Variants in LTBP4 observed in about 807,000 individuals in gnomAD.
LTBP4 encodes latent-transforming growth factor beta-binding protein 4.
Under a neutral mutation model 180.2 loss-of-function variants are expected in LTBP4, and 93 were observed. That is an observed-to-expected ratio of 0.52 (90% CI 0.44 to 0.61). LTBP4 has a LOEUF of 0.61. Among genes scored for constraint, LTBP4 ranks in the 20% least tolerant of loss-of-function variants. LTBP4 has a pLI of 0.00. For synonymous variants in LTBP4, 947 were observed against 934.5 expected, an observed-to-expected ratio of 1.01 and a Z score of -0.24; for missense variants, 2,116 against 2,256.5, an observed-to-expected ratio of 0.94 and a Z score of 1.26.
At chr19:40,614,854 C>A (rs1372484882) in intron 19 of LTBP4, among the ~76,000 whole-genome samples, 1 of 152,182 alleles carries the variant, frequency 6.6e-6, no homozygotes, top group Non-Finnish European at 1.5e-5. Flanking sequence ...TTCCAGCCTT[C>A]CCTCCAAAGA....
In LTBP4 at chr19:40,608,645, G is replaced by C. The variant is rs767383979; in HGVS notation, c.1426+42G>C. The C allele has an allele frequency of 1.3e-5, 20 of 1,549,442 alleles. No individual in the cohort carries two copies. The Admixed American group carries it at 3.9e-4, about 30-fold the overall frequency. Reference sequence around the variant, plus strand: ...TGAGGGCATTGGGCCTGCAGCAGTGGCTCACGCCTGTAATCCCAGCATTTT... The same window carrying C: ...TGAGGGCATTGGGCCTGCAGCAGTGCCTCACGCCTGTAATCCCAGCATTTT... On this transcript the variant is annotated intron_variant, in intron 9 of 29. Coordinates refer to ENST00000396819, the MANE Select transcript of LTBP4 (RefSeq NM_001042545.2).
Position 40,624,035 on chromosome 19 carries a change from T to C in LTBP4, c.3785T>C (p.Leu1262Pro). Residue 1262 changes from leucine to proline, a missense_variant, in exon 26 of 30, where the codon CTG (leucine) becomes CCG (proline). Physicochemically the swap from Leu to Pro is moderately conservative, Grantham distance 98. Transcript: ENST00000396819. Reference sequence around the variant, plus strand: ...TGTACCTGCGAGCCCCCACTGGTGCTGGATGGCTCGCAGCGCCGCTGCGTC... The same window carrying C: ...TGTACCTGCGAGCCCCCACTGGTGCCGGATGGCTCGCAGCGCCGCTGCGTC... ...YHCTCEPPLV[L>P]DGSQRRCVSN... 6.2e-7 allele frequency: 1 copy of C among 1,601,070 alleles called. No individual in the cohort carries two copies. Among genetic ancestry groups the C allele is most frequent in the Non-Finnish European group, 8.5e-7 (1 of 1,171,400 alleles).
At chr19:40,617,300 T>A (rs2081557424) in intron 21 of LTBP4, 75 bp downstream of exon 21, 3 of 1,515,244 alleles carry the variant, frequency 2.0e-6, no homozygotes, top group Admixed American at 4.3e-5. Flanking sequence ...TCCCCATATA[T>A]CTGAACAAAT....
rs970983655 is a variant in LTBP4, at chr19:40,608,482, A to G, written c.1307-2A>G. On this transcript the variant is annotated splice_acceptor_variant, in intron 8 of 29. Transcript: ENST00000396819. LOFTEE classifies it high-confidence loss of function. ...CACTCGTTGATACCCCTTCTTTATC[A>G]GGCTTTCTGCCCACCCATCGCCTGG... 5 of 1,600,528 alleles carry G rather than the reference A, an allele frequency of 3.1e-6. No homozygotes were observed. The highest frequency in any genetic ancestry group is 1.7e-4 in the Middle Eastern group (1 of 6,052).
chr19:40,613,205 CA>C lies in LTBP4; in HGVS notation c.2431+10del. ...GCCCGGGCCCTGCGCAGGTGAGCAGCATAGGGACCCGCCAGAGAGTCTGGGA... is the reference window on the plus strand; with the variant it reads ...GCCCGGGCCCTGCGCAGGTGAGCAGCTAGGGACCCGCCAGAGAGTCTGGGA... On this transcript the variant is annotated intron_variant, in intron 16 of 29. Coordinates refer to ENST00000396819, the MANE Select transcript of LTBP4 (RefSeq NM_001042545.2). The surrounding 1 kb of genome is among the most constrained non-coding windows in gnomAD (Gnocchi z 5.0). The C allele has an allele frequency of 6.4e-7, 1 of 1,560,696 alleles. No individual in the cohort carries two copies. The highest frequency in any genetic ancestry group is 8.7e-7 in the Non-Finnish European group (1 of 1,152,134).
chr19:40,625,277 TATATATATATATA>T (rs2081619034), intron 26 of LTBP4, among the ~76,000 whole-genome samples: 2 of 7,686 alleles, frequency 2.6e-4, no homozygotes, highest in Non-Finnish European at 5.0e-4. Context: ...TATATATATA[TATATATATATATA>T]TATATATATA....
intron 1 of LTBP4, among the ~76,000 whole-genome samples, chr19:40,596,067 C>A (rs1022320964): frequency 5.3e-5 from 8 of 151,512 alleles, no homozygotes; most frequent in African/African-American, 1.9e-4. Flanking sequence ...ATTACAGGCG[C>A]CCACCACTGC....
intron 19 of LTBP4, 119 bp downstream of exon 19, chr19:40,614,565 T>C (rs879095333): frequency 1.6e-6 from 2 of 1,252,150 alleles, no homozygotes; most frequent in South Asian, 3.0e-5. Context: ...AAGAACACCC[T>C]CTCACCGTAT....
intron 29 of LTBP4, among the ~76,000 whole-genome samples, chr19:40,628,842 TTTC>T (rs1303595636): frequency 2.0e-5 from 3 of 151,652 alleles, no homozygotes; most frequent in East Asian, 1.9e-4. Flanking sequence ...TCAGTATTTT[TTTC>T]TTCTTTTTTT....
At position 40,605,085 on chromosome 19, in the gene LTBP4, C is replaced by G. The variant is rs374648326; in HGVS notation, c.301C>G (p.Arg101Gly). The change falls in exon 2 of 30, where the codon CGC becomes GGC. Residue 101 changes from arginine to glycine, a missense_variant. Transcript: ENST00000396819. This position sits in a 1 kb window ranked among gnomAD's most constrained non-coding sequence, Gnocchi z 5.5. The part of the protein sequence containing the change: ...HNGGVCVKPD[R>G]CLCPPDFAGK... ...TGGCGGTGTGTGCGTGAAGCCTGACCGCTGCCTCTGTCCCCCGGACTTCGC... is the reference window on the plus strand; with the variant it reads ...TGGCGGTGTGTGCGTGAAGCCTGACGGCTGCCTCTGTCCCCCGGACTTCGC... 3.1e-6 allele frequency: 5 copies of G among 1,613,744 alleles called. No homozygotes were observed. Among genetic ancestry groups the G allele is most frequent in the Non-Finnish European group, 4.2e-6 (5 of 1,179,856 alleles).
At chr19:40,594,353 C>T (rs2081380356) in intron 1 of LTBP4, among the ~76,000 whole-genome samples, 2 of 151,842 alleles carry the variant, frequency 1.3e-5, no homozygotes. Context: ...GTGACATAGA[C>T]ACGATCCTGG....
Position 40,605,168 on chromosome 19 carries a change from A to G in LTBP4, c.384A>G (p.Pro128=), listed in dbSNP as rs1345025094. The change falls in exon 2 of 30, where the codon CCA becomes CCG. Residue 128 remains proline, a synonymous_variant. Transcript: ENST00000396819. This position sits in a 1 kb window ranked among gnomAD's most constrained non-coding sequence, Gnocchi z 5.5. ...CCCGGCCCCCGGCCCCGGCTGTACC[A>G]GGCCTCACCCGCTCCGTGTACACTA... The part of the protein sequence containing the change: ...SGARPPAPAV[P]GLTRSVYTMP... 6.2e-7 allele frequency: 1 copy of G among 1,610,180 alleles called. No homozygotes were observed. Among genetic ancestry groups the G allele is most frequent in the Admixed American group, 1.7e-5 (1 of 59,480 alleles).
upstream of LTBP4, chr19:40,599,556 C>G (rs1336481065): frequency 6.2e-7 from 1 of 1,606,818 alleles, no homozygotes; most frequent in Non-Finnish European, 8.5e-7. Context: ...CAGCCACTGA[C>G]GTGAGTGGGC....
chr19:40,619,475 C>G lies in LTBP4; in HGVS notation c.3199C>G (p.Pro1067Ala), dbSNP rs966189097. ...TGACCCCATGACTGGACGCTGTGTT[C>G]CCCCACGAACTTCTGCTGGTGAGAC... ...EFDPMTGRCV[P>A]PRTSAGTFPG... The change falls in exon 22 of 30, where the codon CCC (proline) becomes GCC (alanine). Residue 1067 changes from proline to alanine, a missense_variant. Around this residue, in one of 5 missense-constraint regions of LTBP4, gnomAD observed 278 missense variants for 373.0 expected, o/e 0.75. Transcript: ENST00000396819. 3 of 1,611,020 alleles carry G rather than the reference C, an allele frequency of 1.9e-6. No homozygotes were observed. Among genetic ancestry groups the G allele is most frequent in the Non-Finnish European group, 2.5e-6 (3 of 1,178,196 alleles).
intron 28 of LTBP4, 140 bp from the exon 29 acceptor site, chr19:40,627,565 C>T: frequency 7.8e-7 from 1 of 1,281,006 alleles, no homozygotes; most frequent in Non-Finnish European, 1.1e-6. Flanking sequence ...AGCTTACTGG[C>T]CCCGCAGCAC....
chr19:40,613,940 A>C lies in LTBP4; in HGVS notation c.2582A>C (p.Asp861Ala). The C allele has an allele frequency of 6.2e-7, 1 of 1,612,808 alleles. No individual in the cohort carries two copies. Among genetic ancestry groups the C allele is most frequent in the Non-Finnish European group, 8.5e-7 (1 of 1,179,600 alleles). The change falls in exon 18 of 30, where the codon GAC becomes GCC. Residue 861 changes from aspartate (D) to alanine (A), a missense_variant. Asp to Ala is a moderately radical substitution (Grantham distance 126). Transcript: ENST00000396819. This position sits in a 1 kb window ranked among gnomAD's most constrained non-coding sequence, Gnocchi z 5.0. ...CLDVDECSEE[D>A]LCQSGICTNT... ...GACGTTGACGAGTGCAGCGAGGAGG[A>C]CCTTTGCCAGAGCGGCATCTGTACC...
intron 19 of LTBP4, among the ~76,000 whole-genome samples, chr19:40,616,520 G>T (rs1373411108): frequency 6.6e-6 from 1 of 151,990 alleles, no homozygotes; most frequent in East Asian, 1.9e-4. Context: ...ATCGCTTGAG[G>T]TCAGGAGTTC....
rs1426458642 is a variant in LTBP4 at position 40,605,781 on chromosome 19, C to T, written c.743C>T (p.Ala248Val). The part of the protein sequence containing the change: ...LRTQEVCCRG[A>V]GLAWGVHDCQ... ...ACGCAGGAGGTCTGCTGCCGAGGGG[C>T]CGGCTTGGCCTGGGGCGTTCACGAC... The change falls in exon 4 of 30, where the codon GCC becomes GTC. Residue 248 changes from alanine (A) to valine (V), a missense_variant. Transcript: ENST00000396819. This position sits in a 1 kb window ranked among gnomAD's most constrained non-coding sequence, Gnocchi z 5.5. 3 of 1,541,952 alleles carry T rather than the reference C, an allele frequency of 1.9e-6. No individual in the cohort carries two copies. The highest frequency in any genetic ancestry group is 2.6e-6 in the Non-Finnish European group (3 of 1,146,746).
At chr19:40,628,459 A>G (rs2081653524) in intron 29 of LTBP4, among the ~76,000 whole-genome samples, 1 of 152,142 alleles carries the variant, frequency 6.6e-6, no homozygotes, top group South Asian at 2.1e-4. Context: ...GGTTGTGGTG[A>G]GCCAAGATCG....
Sources: allele counts gnomAD v4.1 joint callset (sites outside exome capture counted in the v4.1 genomes callset), GRCh38; gene constraint gnomAD v4.1.1; regional missense constraint gnomAD v4.1.1; non-coding constraint Gnocchi (gnomAD v3.1); transcripts MANE v1.5; gene names NCBI Gene and HGNC (gene_info 2026-07-23, HGNC 2026-07-21).